The following RBM20 variants were observed in gnomAD, a reference collection of about 807,000 sequenced individuals.
The protein encoded by RBM20 is RNA-binding protein 20.
A neutral mutation model predicts 110.1 loss-of-function variants in RBM20; 51 were observed. The ratio of observed to expected loss-of-function variants is 0.46; its 90% CI spans 0.37 to 0.59. The LOEUF is 0.59. Among genes scored for constraint, RBM20 ranks in the 20% least tolerant of loss-of-function variants. The pLI, the probability that RBM20 is intolerant of heterozygous loss-of-function variation, is 0.00. For missense variants in RBM20, 1,512 were observed against 1,574.9 expected, an observed-to-expected ratio of 0.96 and a Z score of 0.68; for synonymous variants, 589 against 618.2, an observed-to-expected ratio of 0.95 and a Z score of 0.70.
chr10:110,738,368 G>A (rs1843693377), intron 1 of RBM20, among the ~76,000 whole-genome samples: 1 of 152,172 alleles, frequency 6.6e-6, no homozygotes, highest in Admixed American at 6.5e-5. Context: ...GGTCTGGGGG[G>A]AGCATGGCCT....
chr10:110,714,094 G>A (rs185438017), intron 1 of RBM20, among the ~76,000 whole-genome samples: 43 of 152,268 alleles, frequency 2.8e-4, no homozygotes, highest in African/African-American at 7.5e-4. Context: ...TGATTCTGAA[G>A]ATGGGCTATG....
intron 1 of RBM20, among the ~76,000 whole-genome samples, chr10:110,770,080 T>A (rs1458557557): frequency 1.3e-5 from 2 of 152,170 alleles, no homozygotes; most frequent in Non-Finnish European, 2.9e-5. Flanking sequence ...ACAGCGGTTC[T>A]CAAGGTGCAG....
At chr10:110,646,641 C>G (rs1221507320) in intron 1 of RBM20, among the ~76,000 whole-genome samples, 3 of 152,220 alleles carry the variant, frequency 2.0e-5, no homozygotes, top group African/African-American at 7.2e-5. Flanking sequence ...TCCTTAGTAC[C>G]CACTGAAATT....
At chr10:110,715,805 C>T (rs1453477722) in intron 1 of RBM20, among the ~76,000 whole-genome samples, 2 of 152,094 alleles carry the variant, frequency 1.3e-5, no homozygotes, top group African/African-American at 4.8e-5. Flanking sequence ...ATTGCAATTA[C>T]AATTACAGTA....
At chr10:110,742,273 C>G (rs564387371) in intron 1 of RBM20, among the ~76,000 whole-genome samples, 2 of 152,332 alleles carry the variant, frequency 1.3e-5, no homozygotes, top group Admixed American at 1.3e-4. Flanking sequence ...AAGTCAGGGG[C>G]TGGGGACAAG....
At chr10:110,689,120 G>A (rs80324312) in intron 1 of RBM20, among the ~76,000 whole-genome samples, 5,049 of 152,140 alleles carry the variant, frequency 0.033, 251 homozygotes, top group African/African-American at 0.11. Flanking sequence ...CCTTTATTCC[G>A]TTTCCCCCAA....
In RBM20 at chr10:110,812,786, C is replaced by T. The variant is rs1201692111; in HGVS notation, c.2389C>T (p.His797Tyr). The T allele has an allele frequency of 6.4e-7, 1 of 1,551,516 alleles. No homozygotes were observed. Among genetic ancestry groups the T allele is most frequent in the Non-Finnish European group, 8.7e-7 (1 of 1,146,856 alleles). ...CAGGCTGCGGGAAAGCAGACACCCC[C>T]ATCCGGATGACTCAGGCAAGGAAGA... The part of the protein sequence containing the change: ...EARLRESRHP[H>Y]PDDSGKEDGL... Residue 797 changes from histidine to tyrosine, a missense_variant, in exon 9 of 14, where the codon CAT (histidine) becomes TAT (tyrosine). Transcript: ENST00000369519.
At chr10:110,780,714 G>A in intron 1 of RBM20, 87 bp from the exon 2 acceptor site, 1 of 1,406,618 alleles carries the variant, frequency 7.1e-7, no homozygotes. Flanking sequence ...TGTTTATGTG[G>A]GAGGGGGGAC....
chr10:110,789,328 G>C (rs1844456628), intron 5 of RBM20, among the ~76,000 whole-genome samples: 1 of 152,094 alleles, frequency 6.6e-6, no homozygotes, highest in Non-Finnish European at 1.5e-5. Flanking sequence ...CCCTTCTGGG[G>C]ACAGACTTGG....
chr10:110,659,144 G>A (rs1236265042), intron 1 of RBM20, among the ~76,000 whole-genome samples: 2 of 152,220 alleles, frequency 1.3e-5, no homozygotes, highest in Non-Finnish European at 2.9e-5. Context: ...ATACTAGTCA[G>A]GATGCTCTCA....
At chr10:110,662,075 G>T (rs1590601804) in intron 1 of RBM20, among the ~76,000 whole-genome samples, 1 of 151,964 alleles carries the variant, frequency 6.6e-6, no homozygotes, top group Non-Finnish European at 1.5e-5. Context: ...CCCAGCTGCT[G>T]GGAGGACGCT....
chr10:110,760,423 A>ATTTT (rs1400720868), intron 1 of RBM20, among the ~76,000 whole-genome samples: 1 of 83,322 alleles, frequency 1.2e-5, no homozygotes, highest in Admixed American at 1.4e-4. Context: ...GAATTCCATC[A>ATTTT]TCTTTTTTTT....
intron 1 of RBM20, among the ~76,000 whole-genome samples, chr10:110,700,002 G>A (rs1281264321): frequency 6.6e-6 from 1 of 152,120 alleles, no homozygotes; most frequent in African/African-American, 2.4e-5. Flanking sequence ...AGAGCAGGAT[G>A]GCCCAAGACT....
At chr10:110,683,355 A>T (rs1355736681) in intron 1 of RBM20, among the ~76,000 whole-genome samples, 1 of 152,254 alleles carries the variant, frequency 6.6e-6, no homozygotes, top group African/African-American at 2.4e-5. Flanking sequence ...GTGCTGGTTG[A>T]GTTGCAGTAA....
chr10:110,718,815 C>A (rs1407451911), intron 1 of RBM20, among the ~76,000 whole-genome samples: 5 of 151,936 alleles, frequency 3.3e-5, no homozygotes, highest in Admixed American at 1.3e-4. Context: ...AGGGTTTCAC[C>A]ATGTTGGCCA....
chr10:110,731,007 T>A (rs754002403), intron 1 of RBM20, among the ~76,000 whole-genome samples: 3 of 152,252 alleles, frequency 2.0e-5, no homozygotes, highest in Non-Finnish European at 2.9e-5. Context: ...AACCATTGTG[T>A]AACTTATATG....
chr10:110,767,545 G>A (rs1332284078), intron 1 of RBM20, among the ~76,000 whole-genome samples: 1 of 146,260 alleles, frequency 6.8e-6, no homozygotes, highest in African/African-American at 2.5e-5. Context: ...GGCGGCTGCC[G>A]GGCGGAGGGG....
chr10:110,810,864 C>T (rs950368650), intron 8 of RBM20, among the ~76,000 whole-genome samples: 4 of 138,080 alleles, frequency 2.9e-5, no homozygotes, highest in Non-Finnish European at 6.4e-5. Flanking sequence ...TGTGTGTGTA[C>T]GTGTGGCTTC....
At chr10:110,834,958 C>T (rs1319420540) in intron 13 of RBM20, among the ~76,000 whole-genome samples, 1 of 152,168 alleles carries the variant, frequency 6.6e-6, no homozygotes, top group African/African-American at 2.4e-5. Context: ...GCAGAGGCAG[C>T]CCTCAACGAT....
Sources: gnomAD v4.1 joint callset for allele counts (sites outside exome capture counted in the v4.1 genomes callset) on GRCh38, gnomAD v4.1.1 for gene constraint, MANE v1.5 for transcripts, NCBI Gene and HGNC (gene_info 2026-07-23, HGNC 2026-07-21) for gene names.